The following CAB39L variants were observed in gnomAD, a reference collection of about 807,000 sequenced individuals.
The protein encoded by CAB39L is calcium-binding protein 39-like.
A neutral mutation model predicts 39.1 loss-of-function variants in CAB39L; 23 were observed. The ratio of observed to expected loss-of-function variants is 0.59; its 90% CI spans 0.42 to 0.83. CAB39L has a LOEUF of 0.83. Ranked by LOEUF, CAB39L falls within the 40% of genes least tolerant of loss-of-function variation. The pLI is 0.00. For missense variants in CAB39L, 366 were observed against 391.9 expected (o/e 0.93, Z 0.56); for synonymous variants, 126 against 137.2 (o/e 0.92, Z 0.57).
intron 3 of CAB39L, among the ~76,000 whole-genome samples, chr13:49,421,596 C>T (rs1957172272): frequency 6.6e-6 from 1 of 152,098 alleles, no homozygotes; most frequent in Admixed American, 6.5e-5. Context: ...GCTGGACTTT[C>T]ACCACCACTT....
intron 5 of CAB39L, among the ~76,000 whole-genome samples, chr13:49,372,021 T>C (rs1955932077): frequency 6.6e-6 from 1 of 152,182 alleles, no homozygotes. Context: ...ACCCTGGTTT[T>C]GCAAGGCACA....
rs1955702779 is a variant in CAB39L at position 49,364,008 on chromosome 13, A to G, written c.277-4176T>C. Among the ~76,000 whole-genome samples the G allele has an allele frequency of 2.6e-5, 4 of 152,238 alleles. No individual in the cohort carries two copies. The South Asian group carries it at 8.3e-4, about 32-fold the overall frequency. ...TAATGAAAACAAACAAACAAAACCA[A>G]GCAGGAGTAGCTATACTTACATCAG... On this transcript the variant is annotated intron_variant, in intron 5 of 10. Coordinates refer to ENST00000409308, the MANE Select transcript of CAB39L (RefSeq NM_001079670.3).
At chr13:49,328,430 G>A (rs973721613) in intron 10 of CAB39L, among the ~76,000 whole-genome samples, 3 of 152,104 alleles carry the variant, frequency 2.0e-5, no homozygotes, top group African/African-American at 4.8e-5. Context: ...TCTGTTATTT[G>A]TCTTTTTCTT....
At chr13:49,342,370 C>A (rs951646971) in intron 8 of CAB39L, among the ~76,000 whole-genome samples, 1 of 152,032 alleles carries the variant, frequency 6.6e-6, no homozygotes, top group Non-Finnish European at 1.5e-5. Flanking sequence ...AGATACTTTA[C>A]CTTAATTTAC....
chr13:49,434,633 G>A (rs1018361701), intron 1 of CAB39L, among the ~76,000 whole-genome samples: 6 of 152,098 alleles, frequency 3.9e-5, no homozygotes, highest in African/African-American at 1.4e-4. Flanking sequence ...GCCGAGGCAG[G>A]AGGATTAGGC....
intron 5 of CAB39L, 99 bp from the exon 6 acceptor site, chr13:49,359,931 T>G: frequency 1.6e-6 from 1 of 632,456 alleles, no homozygotes; most frequent in South Asian, 2.2e-5. Context: ...CAGACAGAAA[T>G]GGTACCATCC....
chr13:49,373,070 C>G (rs948971621), intron 5 of CAB39L, among the ~76,000 whole-genome samples: 1 of 152,202 alleles, frequency 6.6e-6, no homozygotes, highest in Non-Finnish European at 1.5e-5. Context: ...CTGAAGTCTA[C>G]AGATCACTTT....
intron 10 of CAB39L, among the ~76,000 whole-genome samples, chr13:49,320,612 A>G (rs1954311253): frequency 6.6e-6 from 1 of 152,196 alleles, no homozygotes; most frequent in Non-Finnish European, 1.5e-5. Flanking sequence ...TGGGGAGGTT[A>G]GTCTTCTGCG....
At chr13:49,414,619 T>C (rs1957049745) in intron 3 of CAB39L, among the ~76,000 whole-genome samples, 2 of 152,052 alleles carry the variant, frequency 1.3e-5, no homozygotes, top group African/African-American at 4.8e-5. Context: ...AATCAAGAAA[T>C]AGGACTAATA....
chr13:49,422,341 G>A (rs1194801811), intron 3 of CAB39L, among the ~76,000 whole-genome samples: 1 of 152,234 alleles, frequency 6.6e-6, no homozygotes, highest in East Asian at 1.9e-4. Context: ...GGGAGGCCCA[G>A]GTGAGTGGAT....
intron 9 of CAB39L, among the ~76,000 whole-genome samples, chr13:49,332,860 G>C (rs1954749892): frequency 1.3e-5 from 2 of 151,854 alleles, no homozygotes; most frequent in South Asian, 2.1e-4. Flanking sequence ...CAGCCAGGGG[G>C]CTGAAACATA....
intron 5 of CAB39L, among the ~76,000 whole-genome samples, chr13:49,372,836 G>C (rs142554715): frequency 6.6e-6 from 1 of 151,964 alleles, no homozygotes; most frequent in Non-Finnish European, 1.5e-5. Flanking sequence ...CACCACGCCC[G>C]GCTAATTTTT....
rs142724253 is a variant in CAB39L at position 49,405,212 on chromosome 13, C to G, written c.-31-22271G>C. Reference sequence around the variant, plus strand: ...AGAAAAGAATAACATATAAAGGAGCCCCAACACATCTGGCAACAGATTTCT... The same window carrying G: ...AGAAAAGAATAACATATAAAGGAGCGCCAACACATCTGGCAACAGATTTCT... On this transcript the variant is annotated intron_variant, in intron 3 of 10. Transcript: ENST00000409308. Among the ~76,000 whole-genome samples, 302 of 152,040 alleles carry G rather than the reference C, an allele frequency of 2.0e-3. 1 individual carries two copies. The highest frequency in any genetic ancestry group is 6.2e-3 in the African/African-American group (258 of 41,496).
intron 3 of CAB39L, among the ~76,000 whole-genome samples, chr13:49,385,154 A>T (rs1445310869): frequency 6.6e-6 from 1 of 152,216 alleles, no homozygotes; most frequent in Admixed American, 6.5e-5. Flanking sequence ...GATCTCAGCT[A>T]GATCTTCTGG....
At chr13:49,350,599 C>T (rs925933371) in intron 7 of CAB39L, 145 bp downstream of exon 7, 20 of 568,642 alleles carry the variant, frequency 3.5e-5, no homozygotes, top group Non-Finnish European at 5.8e-5. Flanking sequence ...ATTCTATTTA[C>T]AGATTCCTCT....
At position 49,402,053 on chromosome 13, in the gene CAB39L, T is replaced by C. The variant is rs1229683573; in HGVS notation, c.-31-19112A>G. Among the ~76,000 whole-genome samples, 3 of 152,106 alleles carry C rather than the reference T, an allele frequency of 2.0e-5. 1 individual carries two copies. The highest frequency in any genetic ancestry group is 7.2e-5 in the African/African-American group (3 of 41,434). Reference sequence around the variant, plus strand: ...AAATTTGCAGTTATAAAAGGGAAAATTATAAAGAACATAGAAAAATATTGA... The same window carrying C: ...AAATTTGCAGTTATAAAAGGGAAAACTATAAAGAACATAGAAAAATATTGA... On this transcript the variant is annotated intron_variant, in intron 3 of 10. Transcript: ENST00000409308.
intron 10 of CAB39L, among the ~76,000 whole-genome samples, chr13:49,327,318 T>G (rs1954533452): frequency 6.6e-6 from 1 of 152,178 alleles, no homozygotes; most frequent in Admixed American, 6.5e-5. Flanking sequence ...TTGTTTGTTT[T>G]TTTGAGACAG....
chr13:49,323,563 G>C (rs1954416241), intron 10 of CAB39L, among the ~76,000 whole-genome samples: 1 of 152,196 alleles, frequency 6.6e-6, no homozygotes, highest in African/African-American at 2.4e-5. Context: ...ATGTGGACCA[G>C]GACTTCCCAG....
At chr13:49,339,866 A>G in intron 8 of CAB39L, 124 bp from the exon 9 acceptor site, 15 of 1,166,536 alleles carry the variant, frequency 1.3e-5, no homozygotes, top group Non-Finnish European at 1.6e-5. Context: ...CCTTCTTTAC[A>G]TGTGAAGACA....
Sources: allele counts gnomAD v4.1 joint callset (sites outside exome capture counted in the v4.1 genomes callset), GRCh38; gene constraint gnomAD v4.1.1; transcripts MANE v1.5; gene names NCBI Gene and HGNC (gene_info 2026-07-23, HGNC 2026-07-21).